Variants in EIF4E3 observed in about 807,000 individuals in gnomAD.
EIF4E3 encodes the protein eukaryotic translation initiation factor 4E type 3.
In EIF4E3, 26 loss-of-function variants were observed where a neutral mutation model predicts 31.7. That is an observed-to-expected ratio of 0.82 (90% CI 0.60 to 1.14). EIF4E3 has a LOEUF of 1.14. EIF4E3 is among the 50% of genes most tolerant of loss of function. EIF4E3 has a pLI of 0.00. For missense variants in EIF4E3, 304 were observed against 270.9 expected, an observed-to-expected ratio of 1.12 and a Z score of -0.86; for synonymous variants, 128 against 107.7, an observed-to-expected ratio of 1.19 and a Z score of -1.17.
chr3:71,712,911 GC>G (rs2049404577), intron 1 of EIF4E3, among the ~76,000 whole-genome samples: 1 of 146,254 alleles, frequency 6.8e-6, no homozygotes, highest in South Asian at 2.2e-4. Flanking sequence ...CTTTTTAAAT[GC>G]CTCCGTCTCC....
chr3:71,726,850 G>C (rs61591957), upstream of EIF4E3, among the ~76,000 whole-genome samples: 141 of 152,240 alleles, frequency 9.3e-4, no homozygotes, highest in African/African-American at 3.3e-3. Context: ...GGGTGCTTTT[G>C]GTTAGATGCA....
the EIF4E3 span, among the ~76,000 whole-genome samples, chr3:71,669,510 A>G: frequency 3.3e-5 from 5 of 152,208 alleles, no homozygotes; most frequent in African/African-American, 4.8e-5. Context: ...TGTCTGCAAC[A>G]TGTAAGATTT....
rs564748464 is a variant in EIF4E3, at chr3:71,690,126, C to G, written c.512G>C (p.Arg171Pro). ...VIGVSVSVRD[R>P]EDVVQVWNVN... ...ATTCCAGACTTGGACGACGTCTTCTCGGTCCCGAACACTGACACTAACTCC... is the reference window on the plus strand; with the variant it reads ...ATTCCAGACTTGGACGACGTCTTCTGGGTCCCGAACACTGACACTAACTCC... The change falls in exon 6 of 7, where the codon CGA becomes CCA. Residue 171 changes from arginine (R) to proline (P), a missense_variant. Coordinates refer to ENST00000425534, the MANE Select transcript of EIF4E3 (RefSeq NM_001134651.2). 6.2e-7 allele frequency: 1 copy of G among 1,613,392 alleles called. No homozygotes were observed. Among genetic ancestry groups the G allele is most frequent in the Admixed American group, 1.7e-5 (1 of 59,914 alleles).
intron 3 of EIF4E3, among the ~76,000 whole-genome samples, chr3:71,698,389 T>C (rs2049169515): frequency 6.6e-6 from 1 of 152,156 alleles, no homozygotes; most frequent in Non-Finnish European, 1.5e-5. Context: ...TCTCATGTGA[T>C]TCTCCTATCA....
At chr3:71,660,201 A>G in the EIF4E3 span, among the ~76,000 whole-genome samples, 2 of 152,270 alleles carry the variant, frequency 1.3e-5, no homozygotes, top group South Asian at 2.1e-4. Context: ...AAGGTACCCA[A>G]GTGTTTGCCT....
At chr3:71,668,952 T>TTATTGCAG in the EIF4E3 span, among the ~76,000 whole-genome samples, 17 of 152,186 alleles carry the variant, frequency 1.1e-4, no homozygotes, top group African/African-American at 4.1e-4. Context: ...ACACATATGT[T>TTATTGCAG]TATTGCAGCA....
In EIF4E3 at chr3:71,679,074, A is replaced by T. The variant is rs998741646; in HGVS notation, c.*5608T>A. 1.3e-5 allele frequency: 2 copies of T among 152,220 alleles called. No individual in the cohort carries two copies. The highest frequency in any genetic ancestry group is 2.9e-5 in the Non-Finnish European group (2 of 68,030). The allele number at this position is 152,220 out of a possible 1,614,324, so 9.4% of individuals were successfully genotyped here. A position where few individuals can be genotyped will look rare whatever the true frequency, so the allele number is the denominator to read the frequency against. The stretch of plus-strand genomic sequence containing the variant: ...GAGAACTTTGGGGAGAATTTAATGT[A>T]TATCCACAGCATCAATACCTCTATT... On this transcript the variant is annotated 3_prime_UTR_variant, in exon 7 of 7. Coordinates refer to ENST00000425534, the MANE Select transcript of EIF4E3 (RefSeq NM_001134651.2).
At chr3:71,669,967 G>A in the EIF4E3 span, among the ~76,000 whole-genome samples, 1 of 152,118 alleles carries the variant, frequency 6.6e-6, no homozygotes, top group African/African-American at 2.4e-5. Flanking sequence ...CCGTCCTTGA[G>A]GACAAGACAC....
the EIF4E3 span, among the ~76,000 whole-genome samples, chr3:71,669,804 A>T: frequency 6.6e-6 from 1 of 152,202 alleles, no homozygotes; most frequent in Non-Finnish European, 1.5e-5. Context: ...AGCAGAACAA[A>T]AAAAGGAGAA....
In EIF4E3 at chr3:71,725,152, C is replaced by A; in HGVS notation, c.176+40G>T. 1 of 1,046,130 alleles carries A rather than the reference C, an allele frequency of 9.6e-7. No individual in the cohort carries two copies. 64.8% of individuals were successfully genotyped at this position (1,046,130 alleles called of 1,614,324 possible). ...ACAAAGCGGCGGTGGCGGCAGGACCCGGGTCGGGGCCGTGCGCGGCGGGCC... is the reference window on the plus strand; with the variant it reads ...ACAAAGCGGCGGTGGCGGCAGGACCAGGGTCGGGGCCGTGCGCGGCGGGCC... On this transcript the variant is annotated intron_variant, in intron 1 of 6. Transcript: ENST00000425534. The surrounding 1 kb of genome is among the most constrained non-coding windows in gnomAD (Gnocchi z 6.1).
At chr3:71,702,790 T>A in intron 2 of EIF4E3, among the ~76,000 whole-genome samples, 1 of 149,790 alleles carries the variant, frequency 6.7e-6, no homozygotes, top group Admixed American at 6.7e-5. Context: ...CCTCATCCAA[T>A]AGGTAGAATA....
chr3:71,689,914 A>G (rs1276603669), intron 6 of EIF4E3, 96 bp downstream of exon 6: 8 of 1,175,660 alleles, frequency 6.8e-6, no homozygotes, highest in Non-Finnish European at 8.9e-6. Flanking sequence ...TCAAATTTCA[A>G]GTAAATCTGC....
rs1439410526 is a variant in EIF4E3, at chr3:71,714,245, GGAAGGAAGGAAGGAAGGAAGGAAGGAAA to G, written c.177-3789_177-3762del. 2.9e-3 allele frequency among the ~76,000 whole-genome samples: 281 copies of G among 96,472 alleles called. 2 individuals carry two copies. The highest frequency in any genetic ancestry group is 0.013 in the African/African-American group (263 of 20,278). The allele number at this position is 96,472 out of a possible 152,430, so 63.3% of individuals were successfully genotyped here. A position where few individuals can be genotyped will look rare whatever the true frequency, so the allele number is the denominator to read the frequency against. ...AGAAAGAAAGAAGGGAAGAAGGAAA[GGAAGGAAGGAAGGAAGGAAGGAAGGAAA>G]GAAGGAAGGAAGGAAGGAAGGAAGG... On this transcript the variant is annotated intron_variant, in intron 1 of 6. Coordinates refer to ENST00000425534, the MANE Select transcript of EIF4E3 (RefSeq NM_001134651.2).
intron 1 of EIF4E3, among the ~76,000 whole-genome samples, chr3:71,717,580 G>A (rs1269639357): frequency 6.6e-6 from 1 of 152,120 alleles, no homozygotes; most frequent in Non-Finnish European, 1.5e-5. Context: ...TTAAGAGGTA[G>A]AGCCAGATAA....
chr3:71,694,565 T>A (rs1457815215), intron 4 of EIF4E3, among the ~76,000 whole-genome samples: 1 of 151,948 alleles, frequency 6.6e-6, no homozygotes, highest in Non-Finnish European at 1.5e-5. Context: ...AATACTGGAG[T>A]TTCTTTCTCC....
In EIF4E3 at chr3:71,750,902, T is replaced by C. The variant is rs567021303; in HGVS notation, c.-291+2561A>G. Among the ~76,000 whole-genome samples the C allele has an allele frequency of 2.4e-3, 365 of 151,898 alleles. 1 individual carries two copies. The highest frequency in any genetic ancestry group is 8.3e-3 in the African/African-American group (344 of 41,492). On this transcript the variant is annotated intron_variant, in intron 1 of 7. Coordinates refer to the EIF4E3 transcript ENST00000295612. Reference sequence around the variant, plus strand: ...CCTCAGCCTCCTGAGTAGCTGGGACTACAGGCGCCTGCCACCATGCCCAGC... The same window carrying C: ...CCTCAGCCTCCTGAGTAGCTGGGACCACAGGCGCCTGCCACCATGCCCAGC...
upstream of EIF4E3, chr3:71,754,399 G>A (rs2049978326): frequency 1.5e-6 from 2 of 1,346,752 alleles, no homozygotes; most frequent in African/African-American, 1.5e-5. The surrounding 1 kb of genome is among the most constrained non-coding windows in gnomAD (Gnocchi z 5.8). Flanking sequence ...CTGGGCGTGG[G>A]CGTCACCCGC....
intron 2 of EIF4E3, among the ~76,000 whole-genome samples, chr3:71,707,950 A>G (rs2049318964): frequency 6.6e-6 from 1 of 151,110 alleles, no homozygotes; most frequent in African/African-American, 2.4e-5. Context: ...GGGCAGTGCA[A>G]TCTCAGCTCA....
intron 6 of EIF4E3, among the ~76,000 whole-genome samples, chr3:71,687,475 A>G (rs1258041728): frequency 2.0e-5 from 3 of 152,322 alleles, no homozygotes; most frequent in Admixed American, 6.5e-5. Context: ...CCAACCACTG[A>G]AAAATGTAAA....
Sources: gnomAD v4.1 joint callset for allele counts (sites outside exome capture counted in the v4.1 genomes callset) on GRCh38, gnomAD v4.1.1 for gene constraint, Gnocchi (gnomAD v3.1) non-coding constraint, MANE v1.5 for transcripts, NCBI Gene and HGNC (gene_info 2026-07-23, HGNC 2026-07-21) for gene names.